Variants in LPCAT2 observed in about 807,000 individuals in gnomAD.
The protein encoded by LPCAT2 is lysophosphatidylcholine acyltransferase 2, also known as 1-AGP acyltransferase 11.
LPCAT2 carries 58 observed loss-of-function variants against 64.7 expected under a neutral mutation model. That is an observed-to-expected ratio of 0.90 (90% confidence interval 0.73 to 1.12). LPCAT2 has a LOEUF of 1.12. Ranked by LOEUF, LPCAT2 falls within the 50% of genes most tolerant of loss-of-function variation. The probability of loss-of-function intolerance (pLI) is 0.00; values close to 1 mark genes in which losing one functional copy is unlikely to be tolerated. For synonymous variants in LPCAT2, 252 were observed against 245.3 expected (o/e 1.03, Z -0.26); for missense variants, 579 against 669.8 (o/e 0.86, Z 1.50).
intron 7 of LPCAT2, 57 bp downstream of exon 7, chr16:55,534,534 G>A: frequency 2.5e-6 from 2 of 806,740 alleles, no homozygotes; most frequent in Non-Finnish European, 3.9e-6. Context: ...TGAAGAAAAA[G>A]AAAGATCATT....
intron 11 of LPCAT2, among the ~76,000 whole-genome samples, chr16:55,553,586 T>C (rs544519973): frequency 6.6e-6 from 1 of 152,324 alleles, no homozygotes; most frequent in African/African-American, 2.4e-5. Context: ...TCCACTGAGG[T>C]CTTGAGCCCC....
intron 9 of LPCAT2, among the ~76,000 whole-genome samples, chr16:55,546,156 G>A (rs1300413851): frequency 1.3e-5 from 2 of 151,622 alleles, no homozygotes; most frequent in South Asian, 4.2e-4. Context: ...GGTTCCTGCC[G>A]TGGCCCACCT....
At position 55,583,391 on chromosome 16, in the gene LPCAT2, T is replaced by C; in HGVS notation, c.*293T>C. 2 of 250,696 alleles carry C rather than the reference T, an allele frequency of 8.0e-6. No individual in the cohort carries two copies. Among genetic ancestry groups the C allele is most frequent in the Non-Finnish European group, 1.6e-5 (2 of 128,038 alleles). The allele number at this position is 250,696 out of a possible 1,614,324, so 15.5% of individuals were successfully genotyped here. On this transcript the variant is annotated 3_prime_UTR_variant, in exon 14 of 14. Coordinates refer to ENST00000262134, the MANE Select transcript of LPCAT2 (RefSeq NM_017839.5). ...AATTTGCATATACAAATGAATGCAA[T>C]GGTCTATTGGTGAGCATTGAGCAAC...
chr16:55,545,499 CT>C, intron 8 of LPCAT2: 1 of 349,192 alleles, frequency 2.9e-6, no homozygotes. Context: ...TCTTAGCCCT[CT>C]TTTTAGAGTT....
At chr16:55,524,285 T>G (rs994820114) in intron 1 of LPCAT2, among the ~76,000 whole-genome samples, 2 of 151,868 alleles carry the variant, frequency 1.3e-5, no homozygotes, top group Admixed American at 1.3e-4. Context: ...AAAAACATAG[T>G]GGAATAAAAA....
chr16:55,527,911 G>A (rs1963195526), intron 2 of LPCAT2, among the ~76,000 whole-genome samples: 1 of 152,186 alleles, frequency 6.6e-6, no homozygotes, highest in Middle Eastern at 3.2e-3. Flanking sequence ...TGTTTTAGGA[G>A]ATAGTAGCAT....
In LPCAT2 at chr16:55,509,136, G is replaced by C; in HGVS notation, c.-46G>C. On this transcript the variant is annotated 5_prime_UTR_variant, in exon 1 of 14. Coordinates refer to ENST00000262134, the MANE Select transcript of LPCAT2 (RefSeq NM_017839.5). ...GGTCTTCGGCTCAGTTTTGGCTGCAGCGCCCGCGTAGATCGCTTCGGCCGG... is the reference window on the plus strand; with the variant it reads ...GGTCTTCGGCTCAGTTTTGGCTGCACCGCCCGCGTAGATCGCTTCGGCCGG... The C allele has an allele frequency of 7.7e-7, 1 of 1,299,664 alleles. No individual in the cohort carries two copies. Among genetic ancestry groups the C allele is most frequent in the Non-Finnish European group, 9.8e-7 (1 of 1,019,624 alleles). 80.5% of individuals were successfully genotyped at this position (1,299,664 alleles called of 1,614,324 possible).
At chr16:55,520,974 CAAA>C (rs1438781258) in intron 1 of LPCAT2, among the ~76,000 whole-genome samples, 1 of 151,322 alleles carries the variant, frequency 6.6e-6, no homozygotes, top group Non-Finnish European at 1.5e-5. Context: ...CAAAGTAAGT[CAAA>C]GAAAGGAAAT....
At chr16:55,534,135 A>G (rs1963293187) in intron 6 of LPCAT2, among the ~76,000 whole-genome samples, 1 of 152,122 alleles carries the variant, frequency 6.6e-6, no homozygotes, top group African/African-American at 2.4e-5. Flanking sequence ...TTGTAATCAA[A>G]TTAATTATCC....
Position 55,585,759 on chromosome 16 carries a change from C to A in LPCAT2, c.*2661C>A, listed in dbSNP as rs770742574. 3.3e-5 allele frequency: 5 copies of A among 152,148 alleles called. No individual in the cohort carries two copies. Among genetic ancestry groups the A allele is most frequent in the African/African-American group, 4.8e-5 (2 of 41,444 alleles). The allele number at this position is 152,148 out of a possible 1,614,324, so 9.4% of individuals were successfully genotyped here. ...TGTGATAGTAATGCTAGCTCTAATG[C>A]ATATTTAAAGGAGACTGCCTCGCTT... On this transcript the variant is annotated 3_prime_UTR_variant, in exon 14 of 14. Transcript: ENST00000262134.
chr16:55,521,617 G>A (rs1305417228), intron 1 of LPCAT2, among the ~76,000 whole-genome samples: 1 of 151,650 alleles, frequency 6.6e-6, no homozygotes, highest in Non-Finnish European at 1.5e-5. Flanking sequence ...TGTATAGAAA[G>A]GATGATACTG....
intron 3 of LPCAT2, 134 bp downstream of exon 3, chr16:55,528,728 A>G: frequency 1.5e-6 from 1 of 677,812 alleles, no homozygotes; most frequent in East Asian, 2.8e-5. Context: ...ACTTTATTGT[A>G]ATAAGTTACT....
At chr16:55,534,821 A>C (rs945456071) in intron 7 of LPCAT2, among the ~76,000 whole-genome samples, 1 of 152,152 alleles carries the variant, frequency 6.6e-6, no homozygotes, top group Admixed American at 6.6e-5. Context: ...GGCATTATCT[A>C]GTGTCTCTAT....
At chr16:55,553,784 T>TA (rs747074887) in intron 11 of LPCAT2, among the ~76,000 whole-genome samples, 1 of 152,228 alleles carries the variant, frequency 6.6e-6, no homozygotes, top group South Asian at 2.1e-4. Context: ...GCTATGGCCT[T>TA]ACAGCATTTC....
At chr16:55,541,282 G>A (rs1963393335) in intron 8 of LPCAT2, 1 of 152,010 alleles carries the variant, frequency 6.6e-6, no homozygotes, top group Admixed American at 6.6e-5. Context: ...TAAAGTAATA[G>A]AAAGGTTTGT....
At chr16:55,542,740 A>G (rs1436157267) in intron 8 of LPCAT2, among the ~76,000 whole-genome samples, 6 of 152,180 alleles carry the variant, frequency 3.9e-5, no homozygotes, top group Admixed American at 2.0e-4. Context: ...TTAGGTTGTC[A>G]TGGTCTATGC....
intron 13 of LPCAT2, among the ~76,000 whole-genome samples, chr16:55,581,719 G>A (rs1221340438): frequency 6.6e-6 from 1 of 152,176 alleles, no homozygotes; most frequent in African/African-American, 2.4e-5. Context: ...CAAAGACCAT[G>A]CTATCTTTGC....
At chr16:55,563,572 A>G (rs1355176976) in intron 11 of LPCAT2, among the ~76,000 whole-genome samples, 1 of 152,016 alleles carries the variant, frequency 6.6e-6, no homozygotes, top group African/African-American at 2.4e-5. Flanking sequence ...AATTAATGTA[A>G]CACAGCATAT....
chr16:55,566,618 A>G, intron 11 of LPCAT2: 2 of 867,738 alleles, frequency 2.3e-6, no homozygotes, highest in Non-Finnish European at 3.5e-6. Flanking sequence ...GATGTGAAAC[A>G]TCACATCATG....
Sources: gnomAD v4.1 joint callset for allele counts (sites outside exome capture counted in the v4.1 genomes callset) on GRCh38, gnomAD v4.1.1 for gene constraint, MANE v1.5 for transcripts, NCBI Gene and HGNC (gene_info 2026-07-23, HGNC 2026-07-21) for gene names.